TADA2A: variants seen among roughly 807,000 people sequenced by gnomAD.
The protein encoded by TADA2A is transcriptional adapter 2-alpha.
TADA2A carries 38 observed loss-of-function variants against 67.4 expected under a neutral mutation model. That is an observed-to-expected ratio of 0.56 (90% CI 0.44 to 0.74). The LOEUF (loss-of-function observed/expected upper bound fraction) is 0.74, where lower values mean the gene tolerates loss of function less well. Ranked by LOEUF, TADA2A falls within the 30% of genes least tolerant of loss-of-function variation. The probability of loss-of-function intolerance (pLI) is 0.00; values close to 1 mark genes in which losing one functional copy is unlikely to be tolerated. For missense variants in TADA2A, 454 were observed against 547.0 expected, an observed-to-expected ratio of 0.83 and a Z score of 1.70; for synonymous variants, 192 against 181.6, an observed-to-expected ratio of 1.06 and a Z score of -0.46.
At chr17:37,473,974 C>T (rs1410635670) in intron 14 of TADA2A, among the ~76,000 whole-genome samples, 2 of 152,192 alleles carry the variant, frequency 1.3e-5, no homozygotes, top group Non-Finnish European at 2.9e-5. Flanking sequence ...GTCTGTTCTG[C>T]AGTTATTATT....
rs2053949844 is a variant in TADA2A, at chr17:37,479,621, G to C, written c.*2639G>C. ...AAACTTAATGACATGAATAAAACCT[G>C]TTTACTGAAATTTTTATTGCAATTT... On this transcript the variant is annotated 3_prime_UTR_variant, in exon 16 of 16. Transcript: ENST00000615182. 6.6e-6 allele frequency: 1 copy of C among 152,050 alleles called. No homozygotes were observed. Among genetic ancestry groups the C allele is most frequent in the Non-Finnish European group, 1.5e-5 (1 of 67,992 alleles). The allele number at this position is 152,050 out of a possible 1,614,324, so 9.4% of individuals were successfully genotyped here. A position where few individuals can be genotyped will look rare whatever the true frequency, so the allele number is the denominator to read the frequency against.
chr17:37,429,403 G>A (rs1050910749), intron 4 of TADA2A, among the ~76,000 whole-genome samples: 1 of 152,088 alleles, frequency 6.6e-6, no homozygotes, highest in Admixed American at 6.6e-5. Context: ...TCAGAAGACA[G>A]GAATCTTAGG....
At chr17:37,446,823 G>A (rs1366469023) in intron 8 of TADA2A, among the ~76,000 whole-genome samples, 4 of 152,076 alleles carry the variant, frequency 2.6e-5, no homozygotes, top group Admixed American at 6.5e-5. Flanking sequence ...AGTAATGGTC[G>A]GTGTTTAATT....
At chr17:37,438,142 C>T in intron 5 of TADA2A, 1 of 206,468 alleles carries the variant, frequency 4.8e-6, no homozygotes, top group Non-Finnish European at 9.6e-6. Context: ...TTATTACTCC[C>T]TTCTGATTTT....
intron 7 of TADA2A, among the ~76,000 whole-genome samples, chr17:37,444,462 C>G (rs899731924): frequency 6.6e-6 from 1 of 152,084 alleles, no homozygotes; most frequent in Admixed American, 6.6e-5. Context: ...TAGCTTCATT[C>G]CTAAACTCAT....
intron 4 of TADA2A, among the ~76,000 whole-genome samples, chr17:37,432,226 A>G (rs1444506690): frequency 6.6e-6 from 1 of 151,266 alleles, no homozygotes; most frequent in Non-Finnish European, 1.5e-5. Flanking sequence ...GTGCAATTGC[A>G]CAATCTCGGC....
intron 10 of TADA2A, among the ~76,000 whole-genome samples, chr17:37,463,238 AACAATC>A (rs539363160): frequency 2.2e-4 from 34 of 152,308 alleles, no homozygotes; most frequent in African/African-American, 7.7e-4. Flanking sequence ...ATGTCATAAT[AACAATC>A]ACAATGTTTG....
chr17:37,467,563 A>G (rs2053692583), intron 12 of TADA2A, 38 bp downstream of exon 12: 2 of 1,506,426 alleles, frequency 1.3e-6, no homozygotes, highest in South Asian at 2.3e-5. Context: ...CTTGAGGGCA[A>G]GTATCTTCCA....
At chr17:37,447,139 G>GT (rs1296644228) in intron 8 of TADA2A, among the ~76,000 whole-genome samples, 1 of 152,122 alleles carries the variant, frequency 6.6e-6, no homozygotes, top group African/African-American at 2.4e-5. Context: ...ATAGTAAACT[G>GT]TAAGATGTTT....
intron 10 of TADA2A, among the ~76,000 whole-genome samples, chr17:37,464,173 G>T (rs9907881): frequency 6.6e-6 from 1 of 152,200 alleles, no homozygotes. Context: ...TGTTTGGTCA[G>T]TAGTGATCCC....
chr17:37,433,071 C>CT (rs1017162328), intron 4 of TADA2A, among the ~76,000 whole-genome samples: 51 of 148,990 alleles, frequency 3.4e-4, no homozygotes, highest in Admixed American at 1.0e-3. Context: ...TCTCTCATTT[C>CT]TTTTTTTTGG....
At chr17:37,464,448 C>T (rs1234654894) in intron 10 of TADA2A, among the ~76,000 whole-genome samples, 1 of 152,124 alleles carries the variant, frequency 6.6e-6, no homozygotes, top group Non-Finnish European at 1.5e-5. Flanking sequence ...GGAGTTAATA[C>T]CATAAATTTT....
At chr17:37,417,475 G>A (rs1314948094) in intron 2 of TADA2A, among the ~76,000 whole-genome samples, 1 of 152,122 alleles carries the variant, frequency 6.6e-6, no homozygotes, top group Non-Finnish European at 1.5e-5. Context: ...GGGAGAGTTT[G>A]CAATCAGCCA....
At chr17:37,453,715 T>TTAGGCTC (rs2053294277) in intron 8 of TADA2A, among the ~76,000 whole-genome samples, 1 of 151,896 alleles carries the variant, frequency 6.6e-6, no homozygotes, top group African/African-American at 2.4e-5. Context: ...TCCAGAGGCT[T>TTAGGCTC]TAGGCTCTAT....
At chr17:37,446,253 TC>T (rs1477500041) in intron 8 of TADA2A, among the ~76,000 whole-genome samples, 4 of 152,128 alleles carry the variant, frequency 2.6e-5, no homozygotes, top group Non-Finnish European at 5.9e-5. Flanking sequence ...TGTTCAGTCT[TC>T]CGTGTCAGTC....
intron 7 of TADA2A, 63 bp downstream of exon 7, chr17:37,442,715 C>CT (rs1394179335): frequency 1.4e-6 from 2 of 1,478,980 alleles, no homozygotes; most frequent in Non-Finnish European, 1.9e-6. Context: ...CATGAGCCTT[C>CT]TGTCTCACCC....
chr17:37,410,649 G>A (rs1332926330), intron 1 of TADA2A, among the ~76,000 whole-genome samples: 1 of 152,238 alleles, frequency 6.6e-6, no homozygotes, highest in Non-Finnish European at 1.5e-5. Context: ...CCTGGGGCTA[G>A]GGATTTCAAC....
chr17:37,420,533 C>T (rs1268339991), intron 2 of TADA2A, among the ~76,000 whole-genome samples: 1 of 145,130 alleles, frequency 6.9e-6, no homozygotes, highest in African/African-American at 2.5e-5. Flanking sequence ...GCTGAGATTA[C>T]AGGTGCCCAC....
intron 7 of TADA2A, among the ~76,000 whole-genome samples, chr17:37,443,476 A>T (rs958080592): frequency 1.3e-5 from 2 of 151,316 alleles, no homozygotes. Context: ...CTGGTCTCAA[A>T]CTCCTGACCT....
Sources: gnomAD v4.1 joint callset for allele counts (sites outside exome capture counted in the v4.1 genomes callset) on GRCh38, gnomAD v4.1.1 for gene constraint, MANE v1.5 for transcripts, NCBI Gene and HGNC (gene_info 2026-07-23, HGNC 2026-07-21) for gene names.